The following SHROOM4 variants were observed in gnomAD, a reference collection of about 807,000 sequenced individuals.
The protein encoded by SHROOM4 is shroom family member 4.
SHROOM4 carries 17 observed loss-of-function variants against 80.3 expected under a neutral mutation model. The observed-to-expected ratio is 0.21, with a 90% CI of 0.14 to 0.32. The LOEUF (loss-of-function observed/expected upper bound fraction) is 0.32, where lower values mean the gene tolerates loss of function less well. SHROOM4 is among the 10% of genes least tolerant of loss of function. The pLI is 1.00. For synonymous variants in SHROOM4, 400 were observed against 437.5 expected, an observed-to-expected ratio of 0.91 and a Z score of 1.07; for missense variants, 993 against 1,140.3, an observed-to-expected ratio of 0.87 and a Z score of 1.86.
In SHROOM4 at chrX:50,588,850, G is replaced by A. The variant is rs782119906; in HGVS notation, c.*7845C>T. Among the ~76,000 whole-genome samples the A allele has an allele frequency of 1.8e-5, 2 of 112,034 alleles. No homozygotes were observed. Among genetic ancestry groups the A allele is most frequent in the African/African-American group, 6.5e-5 (2 of 30,875 alleles). On this transcript the variant is annotated 3_prime_UTR_variant, in exon 9 of 9. Coordinates refer to ENST00000376020, the MANE Select transcript of SHROOM4 (RefSeq NM_020717.5). Reference sequence around the variant, plus strand: ...TCAACATAGTAACACTTTGAGGTGGGGCTTTTATTAGCCCCCTTCTGTAGA... The same window carrying A: ...TCAACATAGTAACACTTTGAGGTGGAGCTTTTATTAGCCCCCTTCTGTAGA...
At chrX:50,627,145 A>G (rs1194790698) in intron 5 of SHROOM4, among the ~76,000 whole-genome samples, 1 of 111,988 alleles carries the variant, frequency 8.9e-6, no homozygotes, top group Non-Finnish European at 1.9e-5. Flanking sequence ...TGATAAATAC[A>G]TACTTGTAAA....
chrX:50,695,132 C>T (rs1397039948), intron 2 of SHROOM4, among the ~76,000 whole-genome samples: 2 of 110,891 alleles, frequency 1.8e-5, no homozygotes, highest in African/African-American at 6.6e-5. Context: ...CAATGTCTTC[C>T]TCTTCTGATG....
chrX:50,694,106 T>C (rs1470901163), intron 2 of SHROOM4, among the ~76,000 whole-genome samples: 1 of 111,927 alleles, frequency 8.9e-6, no homozygotes, highest in Non-Finnish European at 1.9e-5. Flanking sequence ...TCCTTATCCA[T>C]TCATCTACTG....
At chrX:50,638,378 G>A (rs1384406877) in intron 2 of SHROOM4, 70 bp from the exon 3 acceptor site, 9 of 1,159,612 alleles carry the variant, frequency 7.8e-6, no homozygotes, top group East Asian at 3.0e-5. Context: ...GGCAGCTTCC[G>A]CCCCACCCCC....
At chrX:50,600,456 T>G (rs1929342803) in intron 7 of SHROOM4, among the ~76,000 whole-genome samples, 1 of 111,804 alleles carries the variant, frequency 8.9e-6, no homozygotes, top group Non-Finnish European at 1.9e-5. Flanking sequence ...GCACGTCAAT[T>G]TCCACATCTA....
intron 2 of SHROOM4, among the ~76,000 whole-genome samples, chrX:50,657,531 C>T (rs1408409728): frequency 9.1e-6 from 1 of 109,901 alleles, no homozygotes; most frequent in African/African-American, 3.3e-5. Flanking sequence ...GACTTTTATC[C>T]TTCTGCTAAT....
chrX:50,770,770 C>T (rs1350101603), intron 1 of SHROOM4, among the ~76,000 whole-genome samples: 2 of 111,724 alleles, frequency 1.8e-5, no homozygotes, highest in African/African-American at 6.5e-5. Context: ...CACATAGTCT[C>T]CTGCTGCCTT....
chrX:50,724,570 T>G (rs540121174), intron 1 of SHROOM4, among the ~76,000 whole-genome samples: 12 of 113,049 alleles, frequency 1.1e-4, no homozygotes, highest in African/African-American at 3.8e-4. Context: ...GTTCAAGTGA[T>G]TCTCCTGCTT....
At chrX:50,786,119 T>G (rs782616959) in intron 1 of SHROOM4, among the ~76,000 whole-genome samples, 1 of 111,685 alleles carries the variant, frequency 9.0e-6, no homozygotes, top group Non-Finnish European at 1.9e-5. Context: ...GCATAATAAC[T>G]TCCCCCTGTA....
intron 1 of SHROOM4, among the ~76,000 whole-genome samples, chrX:50,796,107 T>C (rs989560064): frequency 5.4e-5 from 6 of 111,169 alleles, no homozygotes; most frequent in African/African-American, 1.3e-4. Flanking sequence ...GGCAGATCAG[T>C]TGGTGTCAGT....
chrX:50,744,360 G>T (rs1466769969), intron 1 of SHROOM4, among the ~76,000 whole-genome samples: 1 of 111,218 alleles, frequency 9.0e-6, no homozygotes, highest in Non-Finnish European at 1.9e-5. Flanking sequence ...CTTCTGCCAT[G>T]ATATAAAATA....
intron 2 of SHROOM4, among the ~76,000 whole-genome samples, chrX:50,648,027 G>A: frequency 8.9e-6 from 1 of 112,085 alleles, no homozygotes; most frequent in Non-Finnish European, 1.9e-5. Flanking sequence ...GCTGTTAGAG[G>A]TTGTTAAGCA....
chrX:50,695,036 A>G lies in SHROOM4; in HGVS notation c.269+750T>C, dbSNP rs372601453. On this transcript the variant is annotated intron_variant, in intron 2 of 8. Transcript: ENST00000376020. ...GAAAAGCCATGTGGAAAGTTCACCA[A>G]TAGGCAGATGCTTTTGGTGGTAGCA... Among the ~76,000 whole-genome samples the G allele has an allele frequency of 8.1e-5, 9 of 111,671 alleles. No homozygotes were observed. The South Asian group carries it at 3.4e-3, about 43-fold the overall frequency.
At chrX:50,762,089 T>C (rs1182637912) in intron 1 of SHROOM4, among the ~76,000 whole-genome samples, 4 of 112,248 alleles carry the variant, frequency 3.6e-5, no homozygotes, top group African/African-American at 9.7e-5. Flanking sequence ...GTTTTTATTT[T>C]CATATATATT....
intron 1 of SHROOM4, among the ~76,000 whole-genome samples, chrX:50,783,497 C>T (rs1219870903): frequency 8.9e-6 from 1 of 111,740 alleles, no homozygotes; most frequent in African/African-American, 3.3e-5. Context: ...TAATTCTCCT[C>T]CAAACTGATC....
the SHROOM4 span, among the ~76,000 whole-genome samples, chrX:50,578,863 G>GA: frequency 8.9e-6 from 1 of 111,811 alleles, no homozygotes; most frequent in Non-Finnish European, 1.9e-5. Flanking sequence ...AATTAGAAAG[G>GA]AAAAAAATAC....
intron 1 of SHROOM4, among the ~76,000 whole-genome samples, chrX:50,748,278 G>C (rs1326685637): frequency 9.0e-6 from 1 of 111,637 alleles, no homozygotes; most frequent in Admixed American, 9.5e-5. Flanking sequence ...TGAGAGACTT[G>C]GAGAAGATTA....
At chrX:50,797,293 T>C (rs1469213942) in intron 1 of SHROOM4, among the ~76,000 whole-genome samples, 8 of 111,699 alleles carry the variant, frequency 7.2e-5, no homozygotes, top group African/African-American at 2.6e-4. Context: ...TGACTAGCAA[T>C]ACTAAGAACT....
chrX:50,648,152 G>T, intron 2 of SHROOM4, among the ~76,000 whole-genome samples: 1 of 111,876 alleles, frequency 8.9e-6, no homozygotes, highest in East Asian at 2.8e-4. Context: ...ATAGGTAAGA[G>T]ATAATGGTGG....
Sources: gnomAD v4.1 joint callset for allele counts (sites outside exome capture counted in the v4.1 genomes callset) on GRCh38, gnomAD v4.1.1 for gene constraint, MANE v1.5 for transcripts, NCBI Gene and HGNC (gene_info 2026-07-23, HGNC 2026-07-21) for gene names.